The following ZBTB44 variants were observed in gnomAD, a reference collection of about 807,000 sequenced individuals.
The protein encoded by ZBTB44 is zinc finger and BTB domain containing 44.
A neutral mutation model predicts 54.0 loss-of-function variants in ZBTB44; 15 were observed. The ratio of observed to expected loss-of-function variants is 0.28; its 90% confidence interval spans 0.19 to 0.43. The LOEUF is 0.43. Ranked by LOEUF, ZBTB44 falls within the 20% of genes least tolerant of loss-of-function variation. The pLI, the probability that ZBTB44 is intolerant of heterozygous loss-of-function variation, is 1.00. For missense variants in ZBTB44, 487 were observed against 707.1 expected (o/e 0.69, Z 3.53); for synonymous variants, 230 against 250.1 (o/e 0.92, Z 0.76).
chr11:130,276,552 A>G (rs988654090), intron 1 of ZBTB44, among the ~76,000 whole-genome samples: 2 of 151,126 alleles, frequency 1.3e-5, no homozygotes, highest in Admixed American at 6.6e-5. Flanking sequence ...CTCTTGCTTC[A>G]GCCTCTCGAG....
intron 2 of ZBTB44, 143 bp from the exon 3 acceptor site, chr11:130,240,039 AC>A: frequency 8.0e-6 from 4 of 497,534 alleles, no homozygotes; most frequent in African/African-American, 2.1e-5. Flanking sequence ...GTAGTGTTCT[AC>A]ATTTTTTTTT....
chr11:130,290,546 A>G (rs1323167652), intron 1 of ZBTB44, among the ~76,000 whole-genome samples: 1 of 152,164 alleles, frequency 6.6e-6, no homozygotes, highest in Non-Finnish European at 1.5e-5. Context: ...CTACTGAAAC[A>G]GCATCCTGAT....
chr11:130,312,928 A>G (rs1942706279), intron 1 of ZBTB44, among the ~76,000 whole-genome samples: 2 of 152,216 alleles, frequency 1.3e-5, no homozygotes, highest in South Asian at 4.1e-4. Context: ...ACTTTCAAAT[A>G]ATTACACACA....
intron 1 of ZBTB44, among the ~76,000 whole-genome samples, chr11:130,270,754 T>C (rs1016643972): frequency 1.3e-5 from 2 of 152,226 alleles, no homozygotes; most frequent in Non-Finnish European, 1.5e-5. Context: ...ATCTCTAACT[T>C]TGTTTTCACC....
intron 1 of ZBTB44, among the ~76,000 whole-genome samples, chr11:130,269,290 A>AAT (rs1565665473): frequency 9.3e-5 from 14 of 151,034 alleles, no homozygotes; most frequent in African/African-American, 2.7e-4. Flanking sequence ...ACTCCACTAA[A>AAT]TAATTAATTA....
chr11:130,287,965 C>CAAAAA (rs535420591), intron 1 of ZBTB44, among the ~76,000 whole-genome samples: 2 of 86,460 alleles, frequency 2.3e-5, no homozygotes, highest in Admixed American at 2.5e-4. Flanking sequence ...TTTTCTCAGA[C>CAAAAA]AAAAAAAAAA....
At chr11:130,290,288 T>C (rs1184457055) in intron 1 of ZBTB44, among the ~76,000 whole-genome samples, 2 of 152,196 alleles carry the variant, frequency 1.3e-5, no homozygotes, top group East Asian at 1.9e-4. Context: ...CTCTCCTAGA[T>C]CCTTCGGAGG....
At chr11:130,267,763 G>A (rs894052718) in intron 1 of ZBTB44, among the ~76,000 whole-genome samples, 5 of 152,012 alleles carry the variant, frequency 3.3e-5, no homozygotes, top group African/African-American at 1.2e-4. Flanking sequence ...ATCACATCCT[G>A]TAGAGAAATC....
chr11:130,271,848 G>C (rs949914774), intron 1 of ZBTB44, among the ~76,000 whole-genome samples: 1 of 152,146 alleles, frequency 6.6e-6, no homozygotes, highest in African/African-American at 2.4e-5. Flanking sequence ...GACAGGAATT[G>C]CTGGGTCATA....
chr11:130,279,043 A>G (rs1940318310), intron 1 of ZBTB44, among the ~76,000 whole-genome samples: 1 of 152,104 alleles, frequency 6.6e-6, no homozygotes. Context: ...AATATAGTAT[A>G]GCAAATCCAG....
At chr11:130,301,583 G>A (rs558262260) in intron 1 of ZBTB44, among the ~76,000 whole-genome samples, 19 of 152,102 alleles carry the variant, frequency 1.2e-4, no homozygotes, top group Non-Finnish European at 1.9e-4. Flanking sequence ...AAGATGGCTT[G>A]AGCCTAGGAG....
At chr11:130,313,964 A>ATTT (rs1234089945) in intron 1 of ZBTB44, among the ~76,000 whole-genome samples, 13 of 99,046 alleles carry the variant, frequency 1.3e-4, no homozygotes, top group African/African-American at 4.7e-4. Flanking sequence ...ATATATATAT[A>ATTT]TATTTTTTTA....
intron 1 of ZBTB44, among the ~76,000 whole-genome samples, chr11:130,306,869 A>G (rs1942294662): frequency 6.6e-6 from 1 of 152,064 alleles, no homozygotes; most frequent in African/African-American, 2.4e-5. Context: ...TGAAGGATAT[A>G]ACGGACTTTG....
intron 1 of ZBTB44, among the ~76,000 whole-genome samples, chr11:130,279,645 C>A (rs761178313): frequency 6.7e-6 from 1 of 149,896 alleles, no homozygotes; most frequent in Non-Finnish European, 1.5e-5. Flanking sequence ...GACAACAGAG[C>A]GAGACTCTGT....
Position 130,244,669 on chromosome 11 carries a change from A to G in ZBTB44, c.1019-4773T>C, listed in dbSNP as rs1425764747. The stretch of plus-strand genomic sequence containing the variant: ...GCGACAGAGAGAGACTCTGTCTGGA[A>G]AAAAAAAAAAAAAAAAAGAAAGAAA... On this transcript the variant is annotated intron_variant, in intron 2 of 7. Coordinates refer to ENST00000357899, the MANE Select transcript of ZBTB44 (RefSeq NM_001301098.2). Among the ~76,000 whole-genome samples, 11 of 13,352 alleles carry G rather than the reference A, an allele frequency of 8.2e-4. No individual in the cohort carries two copies. The African/African-American group carries it at 9.7e-3, about 12-fold the overall frequency. 8.8% of individuals were successfully genotyped at this position (13,352 alleles called of 152,430 possible).
intron 1 of ZBTB44, among the ~76,000 whole-genome samples, chr11:130,275,791 A>G (rs1390877953): frequency 6.6e-6 from 1 of 152,152 alleles, no homozygotes; most frequent in South Asian, 2.1e-4. Context: ...GCATGCCCAG[A>G]TAATTTTTGT....
chr11:130,284,594 C>T (rs1211448213), intron 1 of ZBTB44, among the ~76,000 whole-genome samples: 2 of 152,102 alleles, frequency 1.3e-5, no homozygotes, highest in South Asian at 2.1e-4. Context: ...GTTGGCCAAG[C>T]GTGGTAGCTC....
chr11:130,255,288 C>A (rs1938345297), intron 2 of ZBTB44, among the ~76,000 whole-genome samples: 1 of 152,110 alleles, frequency 6.6e-6, no homozygotes, highest in African/African-American at 2.4e-5. Context: ...AACTAAACAA[C>A]CTGCTCCTGC....
In ZBTB44 at chr11:130,240,027, A is replaced by G; in HGVS notation, c.1019-131T>C. On this transcript the variant is annotated intron_variant, in intron 2 of 7. Coordinates refer to ENST00000357899, the MANE Select transcript of ZBTB44 (RefSeq NM_001301098.2). The stretch of plus-strand genomic sequence containing the variant: ...GTTCATATCCTGAATTATTAATCCA[A>G]AGTAGTGTTCTACATTTTTTTTTTT... 5.0e-6 allele frequency: 3 copies of G among 605,150 alleles called. No homozygotes were observed. The South Asian group carries it at 6.2e-5, about 12-fold the overall frequency. 37.5% of individuals were successfully genotyped at this position (605,150 alleles called of 1,614,324 possible).
Sources: allele counts gnomAD v4.1 joint callset (sites outside exome capture counted in the v4.1 genomes callset), GRCh38; gene constraint gnomAD v4.1.1; transcripts MANE v1.5; gene names NCBI Gene and HGNC (gene_info 2026-07-23, HGNC 2026-07-21).